KANK1: variants seen among roughly 807,000 people sequenced by gnomAD.
KANK1 encodes KN motif and ankyrin repeat domains 1, also known as KN motif and ankyrin repeat domain-containing protein 1.
KANK1 carries 109 observed loss-of-function variants against 106.2 expected under a neutral mutation model. The ratio of observed to expected loss-of-function variants is 1.03; its 90% confidence interval spans 0.88 to 1.20. KANK1 has a LOEUF of 1.20. KANK1 is among the 50% of genes most tolerant of loss of function. The pLI is 0.00. For missense variants in KANK1, 2,399 were observed against 1,710.7 expected (o/e 1.40, Z -7.10); for synonymous variants, 873 against 652.2 (o/e 1.34, Z -5.16).
intron 1 of KANK1, among the ~76,000 whole-genome samples, chr9:516,469 G>A (rs1210652552): frequency 6.6e-6 from 1 of 151,644 alleles, no homozygotes; most frequent in Non-Finnish European, 1.5e-5. Context: ...TGAAGTTTAG[G>A]GAATTCAGGG....
At chr9:720,509 G>T (rs1209569514) in intron 3 of KANK1, among the ~76,000 whole-genome samples, 1 of 152,120 alleles carries the variant, frequency 6.6e-6, no homozygotes, top group African/African-American at 2.4e-5. Flanking sequence ...ATGCCCAGCT[G>T]TTTTTTGTTT....
intron 1 of KANK1, among the ~76,000 whole-genome samples, chr9:518,506 A>AT (rs1210254819): frequency 6.6e-6 from 1 of 151,702 alleles, no homozygotes; most frequent in Admixed American, 6.6e-5. Flanking sequence ...GGTTCGGAGC[A>AT]TGGGTTCTAG....
At chr9:475,244 A>G (rs1455614438) in intron 3 of KANK1, among the ~76,000 whole-genome samples, 1 of 151,856 alleles carries the variant, frequency 6.6e-6, no homozygotes, top group East Asian at 1.9e-4. Flanking sequence ...GAAAGCCTCA[A>G]GAAAGCATCT....
chr9:724,175 T>G (rs1024009050), intron 3 of KANK1, among the ~76,000 whole-genome samples: 7 of 152,210 alleles, frequency 4.6e-5, no homozygotes, highest in African/African-American at 1.7e-4. Flanking sequence ...TTTTTAAGAT[T>G]TGATAGTTTT....
intron 1 of KANK1, among the ~76,000 whole-genome samples, chr9:599,627 C>T (rs771257586): frequency 9.2e-5 from 14 of 151,850 alleles, no homozygotes; most frequent in Non-Finnish European, 1.8e-4. Flanking sequence ...GTAGCTGACC[C>T]TTGAACATCA....
At position 636,592 on chromosome 9, in the gene KANK1, G is replaced by C. The variant is rs557653471; in HGVS notation, c.-83-40298G>C. 3.3e-5 allele frequency among the ~76,000 whole-genome samples: 5 copies of C among 152,318 alleles called. No individual in the cohort carries two copies. The East Asian group carries it at 9.6e-4, about 29-fold the overall frequency. ...ACCTTTAAACAACCTTCCTGGCTGG[G>C]TGCGGTGGCTCACACCTGTAATCCC... On this transcript the variant is annotated intron_variant, in intron 1 of 11. Transcript: ENST00000382297.
At chr9:607,183 T>C (rs1382029821) in intron 1 of KANK1, among the ~76,000 whole-genome samples, 1 of 151,712 alleles carries the variant, frequency 6.6e-6, no homozygotes, top group Non-Finnish European at 1.5e-5. Flanking sequence ...CATATCAAAA[T>C]CCACTTGAAA....
rs530287223 is a variant in KANK1 at position 582,256 on chromosome 9, C to T, written c.-84+77502C>T. Among the ~76,000 whole-genome samples the T allele has an allele frequency of 2.0e-5, 3 of 152,170 alleles. No individual in the cohort carries two copies. In the South Asian group the frequency reaches 6.3e-4, roughly 32 times the overall value. On this transcript the variant is annotated intron_variant, in intron 1 of 11. Transcript: ENST00000382297. ...GTATGGGGGGTGTGTGTGGCTTTAC[C>T]TGCCCCAAATTGTCAGGAGGATTTG... is the stretch of plus-strand genomic sequence containing the variant.
At chr9:613,302 C>G (rs1454163360) in intron 1 of KANK1, among the ~76,000 whole-genome samples, 1 of 150,560 alleles carries the variant, frequency 6.6e-6, no homozygotes, top group African/African-American at 2.4e-5. Context: ...GAACAGCACA[C>G]TAGATAGCAA....
intron 3 of KANK1, among the ~76,000 whole-genome samples, chr9:725,151 A>G (rs1830336176): frequency 6.6e-6 from 1 of 152,088 alleles, no homozygotes; most frequent in Admixed American, 6.5e-5. Context: ...GGGACAGGGG[A>G]CTGTTCACCG....
chr9:599,019 TA>T (rs201526455), intron 1 of KANK1, among the ~76,000 whole-genome samples: 3,367 of 130,852 alleles, frequency 0.026, 163 homozygotes, highest in African/African-American at 0.061. Context: ...TTATTATTAT[TA>T]TTTTTTTTTT....
At chr9:476,445 C>T (rs921926767) in intron 3 of KANK1, among the ~76,000 whole-genome samples, 4 of 151,538 alleles carry the variant, frequency 2.6e-5, no homozygotes, top group Admixed American at 1.3e-4. Context: ...CGCTTGAACC[C>T]GGGAGGCAGA....
At chr9:693,869 T>G in intron 2 of KANK1, 2 of 925,768 alleles carry the variant, frequency 2.2e-6, no homozygotes, top group Non-Finnish European at 2.6e-6. Context: ...ACTCGAGCTC[T>G]GTGTGTTGTG....
intron 1 of KANK1, among the ~76,000 whole-genome samples, chr9:529,641 G>A (rs2059971379): frequency 6.6e-6 from 1 of 152,062 alleles, no homozygotes; most frequent in African/African-American, 2.4e-5. Context: ...GGAGGTATGG[G>A]TTTCTTTTTA....
intron 2 of KANK1, among the ~76,000 whole-genome samples, chr9:710,178 C>A (rs1215129326): frequency 6.6e-6 from 1 of 152,126 alleles, no homozygotes; most frequent in African/African-American, 2.4e-5. Context: ...TGTAACAAGC[C>A]TGCACATGTA....
intron 1 of KANK1, among the ~76,000 whole-genome samples, chr9:505,713 G>A (rs982819723): frequency 6.6e-6 from 1 of 152,228 alleles, no homozygotes; most frequent in African/African-American, 2.4e-5. Context: ...TTCCGCACGT[G>A]GCCTCTGCGG....
intron 1 of KANK1, among the ~76,000 whole-genome samples, chr9:623,594 G>C (rs1031213142): frequency 1.4e-5 from 2 of 138,734 alleles, no homozygotes; most frequent in African/African-American, 5.2e-5. Flanking sequence ...AACAGAGTGA[G>C]ATTGTGTCTC....
chr9:549,398 G>C (rs1224845183), intron 1 of KANK1: 3 of 152,300 alleles, frequency 2.0e-5, no homozygotes, highest in Non-Finnish European at 4.4e-5. Flanking sequence ...GCTTGCTAGT[G>C]AGAATTGCCA....
intron 1 of KANK1, among the ~76,000 whole-genome samples, chr9:641,550 C>A (rs1011872693): frequency 2.6e-5 from 4 of 152,136 alleles, no homozygotes; most frequent in South Asian, 4.2e-4. Flanking sequence ...CGTTGGGATT[C>A]CAAGGCATAT....
Sources: gnomAD v4.1 joint callset for allele counts (sites outside exome capture counted in the v4.1 genomes callset) on GRCh38, gnomAD v4.1.1 for gene constraint, MANE v1.5 for transcripts, NCBI Gene and HGNC (gene_info 2026-07-23, HGNC 2026-07-21) for gene names.